ENOX1: variants seen among roughly 807,000 people sequenced by gnomAD.
The protein encoded by ENOX1 is ecto-NOX disulfide-thiol exchanger 1, also known as candidate growth-related and time keeping constitutive hydroquinone (NADH) oxidase.
ENOX1 carries 42 observed loss-of-function variants against 82.5 expected under a neutral mutation model. The observed-to-expected ratio is 0.51, with a 90% CI of 0.40 to 0.66. ENOX1 has a LOEUF of 0.66. ENOX1 is among the 30% of genes least tolerant of loss of function. The probability of loss-of-function intolerance (pLI) is 0.00; values close to 1 mark genes in which losing one functional copy is unlikely to be tolerated. For synonymous variants in ENOX1, 271 were observed against 282.2 expected, an observed-to-expected ratio of 0.96 and a Z score of 0.40; for missense variants, 608 against 811.6, an observed-to-expected ratio of 0.75 and a Z score of 3.05.
At chr13:43,711,491 A>G (rs1262776956) in intron 1 of ENOX1, among the ~76,000 whole-genome samples, 9 of 152,042 alleles carry the variant, frequency 5.9e-5, no homozygotes, top group Non-Finnish European at 1.2e-4. Context: ...CTGAGGAATC[A>G]CCATACTGAC....
chr13:43,616,162 C>CTATCTATATAGATATCTATATATATAGA lies in ENOX1; in HGVS notation c.-219+51316_-219+51317insTCTATATATATAGATATCTATATAGATA, dbSNP rs1566641616. On this transcript the variant is annotated intron_variant, in intron 2 of 16. Transcript: ENST00000690772. ...TCTAGATATCTATATAGATAGATAT[C>CTATCTATATAGATATCTATATATATAGA]TATCTATCTATCTATCTATCTATCT... Among the ~76,000 whole-genome samples, 14 of 7,692 alleles carry CTATCTATATAGATATCTATATATATAGA rather than the reference C, an allele frequency of 1.8e-3. 2 individuals carry two copies. Among genetic ancestry groups the CTATCTATATAGATATCTATATATATAGA allele is most frequent in the African/African-American group, 2.7e-3 (10 of 3,674 alleles). 5.0% of individuals were successfully genotyped at this position (7,692 alleles called of 152,430 possible).
At chr13:43,324,612 C>T (rs1422464691) in intron 10 of ENOX1, among the ~76,000 whole-genome samples, 1 of 152,168 alleles carries the variant, frequency 6.6e-6, no homozygotes, top group African/African-American at 2.4e-5. Context: ...AATTCTGTGG[C>T]CTAATGTATA....
chr13:43,616,204 A>ATATATATATATATATATATATATATTT (rs1457149422), intron 2 of ENOX1, among the ~76,000 whole-genome samples: 10 of 15,312 alleles, frequency 6.5e-4, no homozygotes, highest in Non-Finnish European at 1.7e-3. Flanking sequence ...ATATATATAT[A>ATATATATATATATATATATATATATTT]TTTTTTTTTT....
At chr13:43,620,843 G>C (rs529428780) in intron 2 of ENOX1, among the ~76,000 whole-genome samples, 1 of 152,226 alleles carries the variant, frequency 6.6e-6, no homozygotes, top group South Asian at 2.1e-4. Context: ...TGTCAGTGGA[G>C]TATTGAAGTC....
chr13:43,726,882 C>T (rs552963209), intron 1 of ENOX1, among the ~76,000 whole-genome samples: 1 of 152,040 alleles, frequency 6.6e-6, no homozygotes, highest in Non-Finnish European at 1.5e-5. Context: ...GCTGGGATTA[C>T]AGGCACACGT....
chr13:43,463,907 T>C (rs1442747894), intron 3 of ENOX1, among the ~76,000 whole-genome samples: 4 of 152,206 alleles, frequency 2.6e-5, no homozygotes, highest in South Asian at 4.1e-4. Flanking sequence ...TTGACAGTTA[T>C]TGAATACCTA....
chr13:43,222,313 C>T (rs2041830586), intron 16 of ENOX1, among the ~76,000 whole-genome samples: 1 of 151,970 alleles, frequency 6.6e-6, no homozygotes, highest in African/African-American at 2.4e-5. Context: ...CCGCCACCCC[C>T]TCCCCGCCAG....
At chr13:43,624,653 T>C (rs1478692755) in intron 2 of ENOX1, among the ~76,000 whole-genome samples, 1 of 152,108 alleles carries the variant, frequency 6.6e-6, no homozygotes, top group East Asian at 1.9e-4. Context: ...GAGCATCTTG[T>C]CTCTAGTGAA....
chr13:43,621,241 T>C (rs919984905), intron 2 of ENOX1, among the ~76,000 whole-genome samples: 2 of 152,200 alleles, frequency 1.3e-5, no homozygotes, highest in Non-Finnish European at 2.9e-5. Context: ...TCAATGTTAG[T>C]ATTGAGATGT....
At chr13:43,692,933 G>A (rs1044912801) in intron 1 of ENOX1, among the ~76,000 whole-genome samples, 6 of 151,978 alleles carry the variant, frequency 3.9e-5, no homozygotes, top group Admixed American at 3.3e-4. Flanking sequence ...TCAATGAGGT[G>A]TTCTTAAATT....
At chr13:43,272,507 G>A (rs973752301) in intron 12 of ENOX1, among the ~76,000 whole-genome samples, 1 of 152,132 alleles carries the variant, frequency 6.6e-6, no homozygotes, top group South Asian at 2.1e-4. Flanking sequence ...CTTTCTAATT[G>A]TTGCCAGTTT....
At chr13:43,700,733 T>C (rs1437958546) in intron 1 of ENOX1, among the ~76,000 whole-genome samples, 1 of 152,108 alleles carries the variant, frequency 6.6e-6, no homozygotes, top group Non-Finnish European at 1.5e-5. Context: ...CACATGATAG[T>C]TGTATCATGT....
Position 43,360,074 on chromosome 13 carries a change from A to G in ENOX1, c.383-17T>C. The G allele has an allele frequency of 6.2e-7, 1 of 1,610,412 alleles. No individual in the cohort carries two copies. The highest frequency in any genetic ancestry group is 8.5e-7 in the Non-Finnish European group (1 of 1,176,964). On this transcript the variant is annotated splice_polypyrimidine_tract_variant and intron_variant, in intron 6 of 16. Coordinates refer to ENST00000690772, the MANE Select transcript of ENOX1 (RefSeq NM_001347969.2). ...GTGGAAGATCTAATAATCACAACAA[A>G]ACAGAAAGTTTTATCTTTCATTTAT...
At chr13:43,551,781 A>AGGAT (rs1217968677) in intron 2 of ENOX1, among the ~76,000 whole-genome samples, 2 of 152,158 alleles carry the variant, frequency 1.3e-5, no homozygotes, top group African/African-American at 4.8e-5. Context: ...AGTGCAGGAG[A>AGGAT]GGATGGGCCC....
At chr13:43,601,320 T>G (rs1182553216) in intron 2 of ENOX1, among the ~76,000 whole-genome samples, 1 of 152,152 alleles carries the variant, frequency 6.6e-6, no homozygotes, top group Non-Finnish European at 1.5e-5. Context: ...TACTGTCTAA[T>G]TAATTTAACA....
intron 2 of ENOX1, among the ~76,000 whole-genome samples, chr13:43,514,340 C>A (rs1439983810): frequency 6.6e-6 from 1 of 152,156 alleles, no homozygotes; most frequent in East Asian, 1.9e-4. Context: ...AGGAAAGAGT[C>A]ATTTAAATGT....
At chr13:43,409,714 TA>T (rs1490846038) in intron 5 of ENOX1, among the ~76,000 whole-genome samples, 7 of 152,076 alleles carry the variant, frequency 4.6e-5, no homozygotes, top group Admixed American at 2.6e-4. Context: ...ATTTTTAATA[TA>T]AAAGAATACA....
At chr13:43,752,985 G>A (rs1196380214) in intron 1 of ENOX1, among the ~76,000 whole-genome samples, 1 of 142,536 alleles carries the variant, frequency 7.0e-6, no homozygotes, top group South Asian at 2.3e-4. Context: ...TCAGCCTTCT[G>A]AGTAGCTGGG....
chr13:43,672,493 A>G (rs1351027743), intron 1 of ENOX1, among the ~76,000 whole-genome samples: 2 of 152,192 alleles, frequency 1.3e-5, no homozygotes, highest in African/African-American at 4.8e-5. Flanking sequence ...TTTGTCATGT[A>G]CAATTTATAT....
Sources: allele counts gnomAD v4.1 joint callset (sites outside exome capture counted in the v4.1 genomes callset), GRCh38; gene constraint gnomAD v4.1.1; transcripts MANE v1.5; gene names NCBI Gene and HGNC (gene_info 2026-07-23, HGNC 2026-07-21).